Variants in TENM3 observed in about 807,000 individuals in gnomAD.
TENM3 encodes teneurin-3.
A neutral mutation model predicts 255.1 loss-of-function variants in TENM3; 63 were observed. The observed-to-expected ratio is 0.25, with a 90% CI of 0.20 to 0.30. The LOEUF (loss-of-function observed/expected upper bound fraction) is 0.30, where lower values mean the gene tolerates loss of function less well. Among genes scored for constraint, TENM3 ranks in the 10% least tolerant of loss-of-function variants. The pLI is 1.00. For missense variants in TENM3, 2,929 were observed against 3,461.1 expected (o/e 0.85, Z 3.86); for synonymous variants, 1,306 against 1,322.3 (o/e 0.99, Z 0.27).
chr4:182,644,300 G>T (rs188433950), intron 5 of TENM3, among the ~76,000 whole-genome samples: 1 of 152,298 alleles, frequency 6.6e-6, no homozygotes, highest in East Asian at 1.9e-4. Flanking sequence ...AACTTCAGTG[G>T]CATGGTCCCC....
chr4:182,672,949 T>C (rs1301089116), intron 6 of TENM3, 56 bp from the exon 7 acceptor site: 5 of 1,293,106 alleles, frequency 3.9e-6, no homozygotes, highest in Non-Finnish European at 5.3e-6. Flanking sequence ...AAAACCTTTT[T>C]TGTTTTGTTT....
At chr4:181,552,974 C>T in the TENM3 span, among the ~76,000 whole-genome samples, 2 of 152,050 alleles carry the variant, frequency 1.3e-5, no homozygotes, top group Non-Finnish European at 2.9e-5. Flanking sequence ...TTCCTTTTGT[C>T]GATGGTGCTT....
At chr4:182,762,102 A>T (rs959697588) in intron 22 of TENM3, among the ~76,000 whole-genome samples, 1 of 152,234 alleles carries the variant, frequency 6.6e-6, no homozygotes, top group Non-Finnish European at 1.5e-5. Context: ...TGTTCAGATT[A>T]CTCAAAAAAT....
chr4:182,249,765 A>C (rs1757875738), intron 1 of TENM3, among the ~76,000 whole-genome samples: 1 of 151,878 alleles, frequency 6.6e-6, no homozygotes, highest in African/African-American at 2.4e-5. Flanking sequence ...TTTATTTTTT[A>C]TTTATTTAGT....
chr4:181,493,888 T>A, the TENM3 span, among the ~76,000 whole-genome samples: 1 of 152,058 alleles, frequency 6.6e-6, no homozygotes, highest in Admixed American at 6.5e-5. Context: ...CCTCCATACC[T>A]CTATTTACCA....
chr4:182,266,175 T>C (rs1759231968), intron 1 of TENM3, among the ~76,000 whole-genome samples: 2 of 152,212 alleles, frequency 1.3e-5, no homozygotes, highest in Non-Finnish European at 2.9e-5. Context: ...TTTACTATGG[T>C]TTTCACCAAA....
chr4:181,892,655 C>A, the TENM3 span, among the ~76,000 whole-genome samples: 2 of 152,160 alleles, frequency 1.3e-5, no homozygotes, highest in Non-Finnish European at 2.9e-5. Context: ...CTCCGATTCA[C>A]TCCTAGTCTT....
chr4:181,857,769 AAAAAG>A, the TENM3 span, among the ~76,000 whole-genome samples: 1 of 151,970 alleles, frequency 6.6e-6, no homozygotes, highest in African/African-American at 2.4e-5. Context: ...CAAACAAAAA[AAAAAG>A]AGAGAGAGAG....
chr4:181,859,633 C>T, the TENM3 span, among the ~76,000 whole-genome samples: 5 of 152,120 alleles, frequency 3.3e-5, no homozygotes, highest in African/African-American at 9.7e-5. Context: ...TTGCATTTCC[C>T]GCTATTTTAA....
At chr4:181,769,765 A>G in the TENM3 span, among the ~76,000 whole-genome samples, 1 of 152,118 alleles carries the variant, frequency 6.6e-6, no homozygotes, top group African/African-American at 2.4e-5. Flanking sequence ...GGAACGTATT[A>G]TTATTTGCAG....
the TENM3 span, among the ~76,000 whole-genome samples, chr4:181,994,009 T>A: frequency 1.3e-5 from 2 of 152,178 alleles, no homozygotes; most frequent in African/African-American, 4.8e-5. Flanking sequence ...TTTGTATACA[T>A]GTCTTTACAT....
chr4:182,224,191 A>G (rs537423578), intron 1 of TENM3, among the ~76,000 whole-genome samples: 1 of 152,352 alleles, frequency 6.6e-6, no homozygotes, highest in East Asian at 1.9e-4. Context: ...TCTGATGGGC[A>G]CATGAGGTCC....
chr4:181,617,773 G>A, the TENM3 span, among the ~76,000 whole-genome samples: 1 of 152,128 alleles, frequency 6.6e-6, no homozygotes, highest in Non-Finnish European at 1.5e-5. Flanking sequence ...CTGAGTTGTG[G>A]GAATGTGGAA....
intron 4 of TENM3, among the ~76,000 whole-genome samples, chr4:182,619,805 C>A (rs1749926049): frequency 6.6e-6 from 1 of 152,166 alleles, no homozygotes; most frequent in African/African-American, 2.4e-5. Context: ...TAGCTCATCA[C>A]CAGAGTGAAA....
the TENM3 span, among the ~76,000 whole-genome samples, chr4:181,548,327 T>C: frequency 2.4e-4 from 37 of 152,118 alleles, 3 homozygotes. Context: ...ACCCAAAGGA[T>C]TATAAATCAT....
chr4:182,668,675 C>A (rs1754936593), intron 6 of TENM3, among the ~76,000 whole-genome samples: 1 of 152,172 alleles, frequency 6.6e-6, no homozygotes, highest in Non-Finnish European at 1.5e-5. Flanking sequence ...CTTCGCGACA[C>A]AACGATGTAT....
At chr4:181,563,188 G>A in the TENM3 span, among the ~76,000 whole-genome samples, 1 of 152,186 alleles carries the variant, frequency 6.6e-6, no homozygotes, top group African/African-American at 2.4e-5. Flanking sequence ...AGATCAAGGT[G>A]TCGTCAGCAG....
intron 3 of TENM3, among the ~76,000 whole-genome samples, chr4:182,427,983 T>G (rs1771354910): frequency 6.6e-6 from 1 of 152,002 alleles, no homozygotes; most frequent in Non-Finnish European, 1.5e-5. Context: ...GACCTTTCTG[T>G]TCCCACAAAA....
chr4:182,208,483 C>T (rs890037635), intron 1 of TENM3, among the ~76,000 whole-genome samples: 3 of 152,126 alleles, frequency 2.0e-5, no homozygotes, highest in African/African-American at 7.2e-5. Context: ...CCACACATTT[C>T]CACACATTTT....
Sources: allele counts gnomAD v4.1 joint callset (sites outside exome capture counted in the v4.1 genomes callset), GRCh38; gene constraint gnomAD v4.1.1; transcripts MANE v1.5; gene names NCBI Gene and HGNC (gene_info 2026-07-23, HGNC 2026-07-21).